The following ASPG variants were observed in gnomAD, a reference collection of about 807,000 sequenced individuals.
The protein encoded by ASPG is 60 kDa lysophospholipase.
ASPG carries 53 observed loss-of-function variants against 63.2 expected under a neutral mutation model. The observed-to-expected ratio is 0.84, with a 90% CI of 0.67 to 1.05. The LOEUF (loss-of-function observed/expected upper bound fraction) is 1.05. Ranked by LOEUF, ASPG falls within the 50% of genes least tolerant of loss-of-function variation. The probability of loss-of-function intolerance (pLI) is 0.00; values close to 1 mark genes in which losing one functional copy is unlikely to be tolerated. For synonymous variants in ASPG, 370 were observed against 355.0 expected, an observed-to-expected ratio of 1.04 and a Z score of -0.48; for missense variants, 741 against 794.4, an observed-to-expected ratio of 0.93 and a Z score of 0.81.
chr14:104,103,834 C>A (rs2036993336), intron 7 of ASPG, among the ~76,000 whole-genome samples, 159 bp downstream of exon 7: 1 of 152,236 alleles, frequency 6.6e-6, no homozygotes, highest in Non-Finnish European at 1.5e-5. Flanking sequence ...AGGCCCTGTC[C>A]CCTGTCCTCC....
intron 1 of ASPG, among the ~76,000 whole-genome samples, chr14:104,089,777 C>T (rs950974241): frequency 2.6e-5 from 4 of 151,814 alleles, no homozygotes; most frequent in African/African-American, 9.7e-5. Flanking sequence ...GGCGAAACCC[C>T]GTCTCTACTA....
chr14:104,108,910 A>C (rs1209844965), intron 12 of ASPG: 1 of 985,224 alleles, frequency 1.0e-6, no homozygotes, highest in Non-Finnish European at 1.2e-6. Flanking sequence ...GGGAGGAGCT[A>C]TTCTGCTAGC....
intron 6 of ASPG, among the ~76,000 whole-genome samples, chr14:104,099,946 C>T (rs2369268): frequency 0.12 from 17,986 of 152,226 alleles, 1,232 homozygotes; most frequent in Non-Finnish European, 0.16. Flanking sequence ...CCTGTCTGGG[C>T]GGGTGGGGTG....
intron 1 of ASPG, 30 bp downstream of exon 1, chr14:104,085,882 C>T (rs2036208016): frequency 6.5e-7 from 1 of 1,550,098 alleles, no homozygotes; most frequent in Non-Finnish European, 8.6e-7. Flanking sequence ...CGGGGTAGGC[C>T]TCTGGACCTG....
At chr14:104,101,961 C>T (rs535553654) in intron 6 of ASPG, among the ~76,000 whole-genome samples, 32 of 152,300 alleles carry the variant, frequency 2.1e-4, no homozygotes, top group Non-Finnish European at 3.7e-4. Context: ...TGTGGGGTCA[C>T]GATTCCCCTG....
chr14:104,111,241 G>T (rs1225713125), intron 13 of ASPG: 2 of 941,198 alleles, frequency 2.1e-6, no homozygotes, highest in Admixed American at 1.2e-4. Context: ...TGCTGTGTAT[G>T]CTGCTGTGTG....
In ASPG at chr14:104,114,479, C is replaced by T. The variant is rs900407659; in HGVS notation, c.*1935C>T. Reference sequence around the variant, plus strand: ...TACCACAGGGAGCCCCGGGACTGGGCCAGTGTCTCAGGAGGCTGTGAAGAG... The same window carrying T: ...TACCACAGGGAGCCCCGGGACTGGGTCAGTGTCTCAGGAGGCTGTGAAGAG... On this transcript the variant is annotated 3_prime_UTR_variant, in exon 16 of 16. Coordinates refer to ENST00000551177, the MANE Select transcript of ASPG (RefSeq NM_001080464.3). 6 of 152,174 alleles carry T rather than the reference C, an allele frequency of 3.9e-5. No individual in the cohort carries two copies. Among genetic ancestry groups the T allele is most frequent in the Admixed American group, 6.5e-5 (1 of 15,278 alleles). The allele number at this position is 152,174 out of a possible 1,614,324, so 9.4% of individuals were successfully genotyped here.
At chr14:104,086,475 G>A (rs1356990006) in intron 1 of ASPG, among the ~76,000 whole-genome samples, 2 of 152,192 alleles carry the variant, frequency 1.3e-5, no homozygotes, top group Non-Finnish European at 2.9e-5. Flanking sequence ...GGTGGGGTCA[G>A]GGCCTGGGAC....
At chr14:104,094,134 C>G (rs2036490635) in intron 3 of ASPG, among the ~76,000 whole-genome samples, 1 of 151,938 alleles carries the variant, frequency 6.6e-6, no homozygotes, top group East Asian at 1.9e-4. Context: ...GCTCTGAGTT[C>G]CTCTCCCCCA....
At chr14:104,108,055 G>A (rs1239911774) in intron 12 of ASPG, among the ~76,000 whole-genome samples, 1 of 152,118 alleles carries the variant, frequency 6.6e-6, no homozygotes, top group East Asian at 1.9e-4. Flanking sequence ...AGAGAAGGCC[G>A]GGGTGTCTGA....
chr14:104,104,802 C>A, intron 9 of ASPG, 67 bp downstream of exon 9: 1 of 1,361,194 alleles, frequency 7.3e-7, no homozygotes, highest in Non-Finnish European at 1.0e-6. Flanking sequence ...CTCCCAGGGG[C>A]ATGTCTGGGG....
intron 9 of ASPG, 97 bp downstream of exon 9, chr14:104,104,832 G>A: frequency 9.4e-7 from 1 of 1,068,056 alleles, no homozygotes; most frequent in South Asian, 1.6e-5. Context: ...AAGAGCCTGG[G>A]GGCCGGTCCA....
In ASPG at chr14:104,093,527, G is replaced by A; in HGVS notation, c.228G>A (p.Val76=). The stretch of plus-strand genomic sequence containing the variant: ...GCAACCAGAGGATTCTCTACACCGT[G>A]CTGGAGTGCCAGCCCCTCTTCGACT... ...ASRNQRILYT[V]LECQPLFDSS... The change falls in exon 3 of 16, where the codon GTG becomes GTA. Residue 76 remains valine, a synonymous_variant. Coordinates refer to ENST00000551177, the MANE Select transcript of ASPG (RefSeq NM_001080464.3). The A allele has an allele frequency of 1.2e-6, 2 of 1,612,886 alleles. No individual in the cohort carries two copies. Among genetic ancestry groups the A allele is most frequent in the Non-Finnish European group, 8.5e-7 (1 of 1,179,854 alleles).
chr14:104,103,724 C>T (rs1479774831), intron 7 of ASPG, 49 bp downstream of exon 7: 2 of 1,487,654 alleles, frequency 1.3e-6, no homozygotes, highest in East Asian at 2.5e-5. Context: ...AGCCCCAGCC[C>T]TCTGCAGCTC....
At chr14:104,104,765 C>A in intron 9 of ASPG, 30 bp downstream of exon 9, 1 of 1,543,810 alleles carries the variant, frequency 6.5e-7, no homozygotes, top group Non-Finnish European at 8.8e-7. Flanking sequence ...GTGGGCAACC[C>A]TCGGTGTGCA....
chr14:104,099,302 C>T (rs1355432792), intron 6 of ASPG, among the ~76,000 whole-genome samples: 1 of 152,224 alleles, frequency 6.6e-6, no homozygotes, highest in African/African-American at 2.4e-5. Flanking sequence ...CAGTGACCAC[C>T]TGGCTCTGCC....
chr14:104,101,134 C>G (rs958920200), intron 6 of ASPG, among the ~76,000 whole-genome samples: 1 of 152,190 alleles, frequency 6.6e-6, no homozygotes, highest in East Asian at 1.9e-4. Flanking sequence ...CCCAGCCCCC[C>G]ACCCCTGAGT....
At chr14:104,111,680 TG>T (rs1241964778) in intron 14 of ASPG, 79 bp downstream of exon 14, 5 of 1,234,802 alleles carry the variant, frequency 4.0e-6, no homozygotes, top group Non-Finnish European at 4.6e-6. Flanking sequence ...ACCAGCTCAC[TG>T]CTCTGCCCCT....
chr14:104,107,048 G>A, intron 11 of ASPG, 134 bp from the exon 12 acceptor site: 5 of 1,338,442 alleles, frequency 3.7e-6, no homozygotes, highest in Non-Finnish European at 5.1e-6. Context: ...AGCTTGTCAG[G>A]TCTCACTGAG....
Sources: gnomAD v4.1 joint callset for allele counts (sites outside exome capture counted in the v4.1 genomes callset) on GRCh38, gnomAD v4.1.1 for gene constraint, MANE v1.5 for transcripts, NCBI Gene and HGNC (gene_info 2026-07-23, HGNC 2026-07-21) for gene names.